FAM162A: variants seen among roughly 807,000 people sequenced by gnomAD.
The protein encoded by FAM162A is family with sequence similarity 162 member A.
A neutral mutation model predicts 21.8 loss-of-function variants in FAM162A; 23 were observed. The observed-to-expected ratio is 1.05, with a 90% CI of 0.76 to 1.49. FAM162A has a LOEUF of 1.49. FAM162A is among the 40% of genes most tolerant of loss of function. The pLI is 0.00. For missense variants in FAM162A, 165 were observed against 186.4 expected (o/e 0.89, Z 0.67); for synonymous variants, 53 against 61.3 (o/e 0.86, Z 0.64).
At chr3:122,390,747 G>A (rs939253213) in intron 1 of FAM162A, among the ~76,000 whole-genome samples, 1 of 152,224 alleles carries the variant, frequency 6.6e-6, no homozygotes, top group Admixed American at 6.5e-5. Flanking sequence ...CATACTGACT[G>A]TATCAGTTGG....
At chr3:122,398,829 A>G (rs2075640660) in intron 1 of FAM162A, among the ~76,000 whole-genome samples, 1 of 152,242 alleles carries the variant, frequency 6.6e-6, no homozygotes, top group Non-Finnish European at 1.5e-5. Context: ...TGATTTTGAA[A>G]TACATACTGA....
intron 1 of FAM162A, among the ~76,000 whole-genome samples, chr3:122,394,926 T>C (rs1455285265): frequency 6.6e-6 from 1 of 152,156 alleles, no homozygotes; most frequent in South Asian, 2.1e-4. Context: ...TGAAAAATTA[T>C]AGACTGATCA....
At chr3:122,387,583 T>C (rs1055976934) in intron 1 of FAM162A, among the ~76,000 whole-genome samples, 3 of 152,260 alleles carry the variant, frequency 2.0e-5, no homozygotes, top group African/African-American at 7.2e-5. Flanking sequence ...CACATTCTGC[T>C]ACCTTATTCT....
At chr3:122,388,857 T>C (rs1239932561) in intron 1 of FAM162A, among the ~76,000 whole-genome samples, 1 of 151,988 alleles carries the variant, frequency 6.6e-6, no homozygotes, top group African/African-American at 2.4e-5. Flanking sequence ...AGACCATCCT[T>C]GCTAACACGG....
Position 122,404,358 on chromosome 3 carries a change from T to G in FAM162A, c.258T>G (p.Thr86=). The part of the protein sequence containing the change: ...RFKKEDEIPE[T]VSLEMLDAAK... ...AAAAGGAAGATGAAATCCCAGAGAC[T>G]GTCTCGTGAGTGCTGAATTTAGTAT... is the stretch of plus-strand genomic sequence containing the variant. Residue 86 remains threonine, a synonymous_variant, in exon 3 of 5, where the codon ACT becomes ACG. Transcript: ENST00000477892. The G allele has an allele frequency of 6.4e-7, 1 of 1,567,728 alleles. No individual in the cohort carries two copies. Among genetic ancestry groups the G allele is most frequent in the African/African-American group, 1.4e-5 (1 of 73,354 alleles).
intron 1 of FAM162A, among the ~76,000 whole-genome samples, chr3:122,389,010 C>T (rs572858475): frequency 2.9e-4 from 44 of 150,994 alleles, no homozygotes; most frequent in Admixed American, 8.6e-4. Context: ...GATCACAGCA[C>T]TGCACTCCAG....
intron 2 of FAM162A, among the ~76,000 whole-genome samples, chr3:122,403,447 C>T (rs985825036): frequency 6.6e-6 from 1 of 152,168 alleles, no homozygotes; most frequent in Non-Finnish European, 1.5e-5. Flanking sequence ...TAAAGATGAA[C>T]CAAATTAAGA....
chr3:122,393,247 A>C (rs1386268908), intron 1 of FAM162A, among the ~76,000 whole-genome samples: 2 of 152,024 alleles, frequency 1.3e-5, no homozygotes, highest in African/African-American at 2.4e-5. Flanking sequence ...CTGAAAATCC[A>C]TTTTTACCCA....
chr3:122,400,768 G>A (rs1266748162), intron 1 of FAM162A, among the ~76,000 whole-genome samples: 2 of 151,740 alleles, frequency 1.3e-5, no homozygotes, highest in Admixed American at 6.6e-5. Context: ...CAGAGGTTGC[G>A]GTGAGCCGAG....
Position 122,407,277 on chromosome 3 carries a change from C to G in FAM162A, c.264-4C>G, listed in dbSNP as rs1297379170. The G allele has an allele frequency of 4.3e-6, 7 of 1,611,876 alleles. No individual in the cohort carries two copies. The South Asian group carries it at 6.6e-5, about 15-fold the overall frequency. ...TTTCTCTCATGATCTCATTGTATTA[C>G]TAGGTTGGAGATGCTTGATGCTGCA... is the stretch of plus-strand genomic sequence containing the variant. On this transcript the variant is annotated splice_region_variant and splice_polypyrimidine_tract_variant and intron_variant, in intron 3 of 4. Transcript: ENST00000477892.
At chr3:122,398,407 A>T (rs936157110) in intron 1 of FAM162A, among the ~76,000 whole-genome samples, 11 of 152,240 alleles carry the variant, frequency 7.2e-5, no homozygotes, top group African/African-American at 2.7e-4. Context: ...AAATTGGCAT[A>T]TGCCTATTGA....
At chr3:122,386,968 G>A (rs1450828498) in intron 1 of FAM162A, among the ~76,000 whole-genome samples, 1 of 152,186 alleles carries the variant, frequency 6.6e-6, no homozygotes, top group African/African-American at 2.4e-5. Flanking sequence ...CACTGATACA[G>A]ATGATTAGGA....
intron 4 of FAM162A, chr3:122,407,681 A>G (rs112686742): frequency 1.5e-4 from 69 of 451,464 alleles, no homozygotes; most frequent in African/African-American, 1.2e-3. Context: ...AAATTAAGAA[A>G]TAGGACACTG....
intron 4 of FAM162A, chr3:122,407,711 G>A (rs2107701604): frequency 2.5e-6 from 1 of 395,842 alleles, no homozygotes; most frequent in East Asian, 3.9e-5. Context: ...ATCACCCACT[G>A]CATATTTCCA....
intron 3 of FAM162A, 55 bp from the exon 4 acceptor site, chr3:122,407,226 A>G (rs373762893): frequency 3.4e-6 from 5 of 1,482,042 alleles, no homozygotes; most frequent in Middle Eastern, 1.7e-4. Context: ...ATCCTGAGCA[A>G]CTTCAGAAAG....
chr3:122,397,756 G>A (rs1383932419), intron 1 of FAM162A, among the ~76,000 whole-genome samples: 1 of 152,108 alleles, frequency 6.6e-6, no homozygotes, highest in Non-Finnish European at 1.5e-5. Flanking sequence ...GGTAACAATT[G>A]CTAATCAAAA....
intron 1 of FAM162A, among the ~76,000 whole-genome samples, chr3:122,386,856 G>C (rs146235496): frequency 2.0e-5 from 3 of 152,216 alleles, no homozygotes; most frequent in Non-Finnish European, 4.4e-5. Flanking sequence ...GAGAGGTCCT[G>C]TGAACTTCTC....
chr3:122,401,625 A>G, intron 1 of FAM162A: 1 of 968,702 alleles, frequency 1.0e-6, no homozygotes, highest in Non-Finnish European at 1.3e-6. Flanking sequence ...GTCTGATTAA[A>G]ATAGTATATA....
Position 122,407,305 on chromosome 3 carries a change from G to C in FAM162A, c.288G>C (p.Lys96Asn), listed in dbSNP as rs372529727. 55 of 1,613,908 alleles carry C rather than the reference G, an allele frequency of 3.4e-5. No homozygotes were observed. The highest frequency in any genetic ancestry group is 4.7e-5 in the Non-Finnish European group (55 of 1,179,956). ...TVSLEMLDAA[K>N]NKMRVKISYL... Reference sequence around the variant, plus strand: ...GGTTGGAGATGCTTGATGCTGCAAAGAACAAGATGCGAGTGAAGATCAGCT... The same window carrying C: ...GGTTGGAGATGCTTGATGCTGCAAACAACAAGATGCGAGTGAAGATCAGCT... Residue 96 changes from lysine (K) to asparagine (N), a missense_variant, in exon 4 of 5, where the codon AAG (lysine) becomes AAC (asparagine). Lys to Asn is a moderately conservative substitution (Grantham distance 94, BLOSUM62 0). Coordinates refer to ENST00000477892, the MANE Select transcript of FAM162A (RefSeq NM_014367.4).
Sources: gnomAD v4.1 joint callset for allele counts (sites outside exome capture counted in the v4.1 genomes callset) on GRCh38, gnomAD v4.1.1 for gene constraint, MANE v1.5 for transcripts, NCBI Gene and HGNC (gene_info 2026-07-23, HGNC 2026-07-21) for gene names.